Variants in WDR44 observed in about 807,000 individuals in gnomAD.
WDR44 encodes the protein WD repeat-containing protein 44.
In WDR44, 9 loss-of-function variants were observed where a neutral mutation model predicts 65.7. The observed-to-expected ratio is 0.14, with a 90% CI of 0.08 to 0.24. The LOEUF is 0.24. WDR44 is among the 10% of genes least tolerant of loss of function. The pLI, the probability that WDR44 is intolerant of heterozygous loss-of-function variation, is 1.00. For synonymous variants in WDR44, 220 were observed against 235.2 expected (o/e 0.94, Z 0.59); for missense variants, 425 against 670.9 (o/e 0.63, Z 4.05).
chrX:118,420,056 AAATACCTG>A (rs1206085559), intron 12 of WDR44, among the ~76,000 whole-genome samples: 106 of 109,256 alleles, frequency 9.7e-4, no homozygotes, highest in Non-Finnish European at 1.2e-3. Context: ...CCCCACCCAC[AAATACCTG>A]TGGAACTTAC....
At chrX:118,400,162 C>G (rs754561969) in intron 8 of WDR44, among the ~76,000 whole-genome samples, 11 of 110,332 alleles carry the variant, frequency 1.0e-4, no homozygotes. Flanking sequence ...TTTTCTTATG[C>G]CATTGACACA....
rs764601087 is a variant in WDR44 at position 118,363,139 on chromosome X, T to C, written c.78-15280T>C. On this transcript the variant is annotated intron_variant, in intron 1 of 19. Transcript: ENST00000254029. Reference sequence around the variant, plus strand: ...AATAGTAAAACGTGGCTCACACTTATAATCCCAGCACTTTGGGAGGCAGAG... The same window carrying C: ...AATAGTAAAACGTGGCTCACACTTACAATCCCAGCACTTTGGGAGGCAGAG... Among the ~76,000 whole-genome samples the C allele has an allele frequency of 1.8e-5, 2 of 109,398 alleles. 1 individual carries two copies. The highest frequency in any genetic ancestry group is 2.0e-4 in the Admixed American group (2 of 10,115). The allele number at this position is 109,398 out of a possible 115,157, so 95.0% of individuals were successfully genotyped here.
chrX:118,441,739 T>C (rs1364433299), intron 15 of WDR44, among the ~76,000 whole-genome samples, 180 bp downstream of exon 15: 1 of 111,227 alleles, frequency 9.0e-6, no homozygotes, highest in Non-Finnish European at 1.9e-5. Context: ...CTAATTCTAA[T>C]TTAAAAAAAA....
intron 7 of WDR44, among the ~76,000 whole-genome samples, chrX:118,398,018 C>T (rs2056880274): frequency 9.0e-6 from 1 of 111,658 alleles, no homozygotes; most frequent in South Asian, 3.7e-4. Context: ...GGGTGGATTG[C>T]CTGAGCTCAG....
At chrX:118,446,039 A>G (rs113354799) in intron 19 of WDR44, among the ~76,000 whole-genome samples, 1 of 106,549 alleles carries the variant, frequency 9.4e-6, no homozygotes, top group African/African-American at 3.4e-5. Flanking sequence ...AAAAAAGAAA[A>G]AAAAAAAAAA....
intron 12 of WDR44, among the ~76,000 whole-genome samples, chrX:118,418,248 G>T (rs958170924): frequency 6.3e-5 from 7 of 111,123 alleles, no homozygotes; most frequent in Admixed American, 1.9e-4. Flanking sequence ...ATTTTTCGGG[G>T]GTTGTTAAAG....
chrX:118,398,691 C>T (rs774107284), intron 8 of WDR44, among the ~76,000 whole-genome samples: 1 of 112,176 alleles, frequency 8.9e-6, no homozygotes, highest in Non-Finnish European at 1.9e-5. Context: ...CTTTGGGAGG[C>T]CAAGGCAGGC....
chrX:118,440,535 A>T (rs1199215151), intron 14 of WDR44, among the ~76,000 whole-genome samples: 1 of 111,454 alleles, frequency 9.0e-6, no homozygotes, highest in Non-Finnish European at 1.9e-5. Flanking sequence ...CAAGTGTTAC[A>T]TGTATCCCAG....
intron 1 of WDR44, among the ~76,000 whole-genome samples, chrX:118,374,462 T>C (rs1304242671): frequency 1.8e-5 from 2 of 111,858 alleles, no homozygotes; most frequent in Non-Finnish European, 3.8e-5. Flanking sequence ...GACTTGAAAT[T>C]GTAGTAGTTT....
At chrX:118,370,940 T>C (rs779685212) in intron 1 of WDR44, among the ~76,000 whole-genome samples, 2 of 110,075 alleles carry the variant, frequency 1.8e-5, no homozygotes, top group Non-Finnish European at 3.8e-5. Context: ...TTTATAGCAA[T>C]GCAAATGGAC....
At chrX:118,443,248 G>C in intron 17 of WDR44, among the ~76,000 whole-genome samples, 1 of 110,844 alleles carries the variant, frequency 9.0e-6, no homozygotes, top group Non-Finnish European at 1.9e-5. Context: ...CTTTTTTCTT[G>C]AATTATACAT....
Position 118,410,878 on chromosome X carries a change from T to C in WDR44, c.1673-17T>C. The C allele has an allele frequency of 8.4e-7, 1 of 1,194,286 alleles. No individual in the cohort carries two copies. The highest frequency in any genetic ancestry group is 1.8e-5 in the South Asian group (1 of 54,145). ...TGTACATACATGCCTTTTTTACAAT[T>C]ATTATGTTGTTTTTAGGACGTGTGT... On this transcript the variant is annotated splice_polypyrimidine_tract_variant and intron_variant, in intron 11 of 19. Transcript: ENST00000254029.
intron 1 of WDR44, among the ~76,000 whole-genome samples, chrX:118,347,711 A>G (rs1222988304): frequency 1.8e-5 from 2 of 112,395 alleles, no homozygotes; most frequent in African/African-American, 6.5e-5. Context: ...AAACTAATGT[A>G]TGTTTATACA....
intron 12 of WDR44, among the ~76,000 whole-genome samples, chrX:118,431,894 T>TTTTGTTTG (rs201858148): frequency 2.0e-3 from 222 of 109,202 alleles, no homozygotes; most frequent in Non-Finnish European, 3.3e-3. Context: ...TTGTTGTGTG[T>TTTTGTTTG]TTTGTTTGTT....
At position 118,382,803 on chromosome X, in the gene WDR44, G is replaced by A. The variant is rs759926531; in HGVS notation, c.111+4351G>A. 6.2e-5 allele frequency among the ~76,000 whole-genome samples: 7 copies of A among 112,232 alleles called. No homozygotes were observed. The East Asian group carries it at 1.7e-3, about 27-fold the overall frequency. ...ATAAGCTACCATACCTTTTAAGGAA[G>A]CAAATTTTTGATACCATGATAGATA... is the stretch of plus-strand genomic sequence containing the variant. On this transcript the variant is annotated intron_variant, in intron 2 of 19. Coordinates refer to ENST00000254029, the MANE Select transcript of WDR44 (RefSeq NM_019045.5).
At chrX:118,358,338 C>CT (rs1055186283) in intron 1 of WDR44, among the ~76,000 whole-genome samples, 4 of 111,524 alleles carry the variant, frequency 3.6e-5, no homozygotes, top group Non-Finnish European at 7.5e-5. Context: ...ATTTGACAAA[C>CT]TTTTTTAACT....
intron 1 of WDR44, among the ~76,000 whole-genome samples, chrX:118,361,025 AAGTG>A (rs941036120): frequency 8.9e-6 from 1 of 111,808 alleles, no homozygotes; most frequent in African/African-American, 3.3e-5. Context: ...CCTGAAAAAA[AAGTG>A]AGTCTTCCTA....
intron 1 of WDR44, among the ~76,000 whole-genome samples, chrX:118,373,492 G>A (rs1056316732): frequency 4.5e-5 from 5 of 111,617 alleles, no homozygotes; most frequent in African/African-American, 1.6e-4. Context: ...TCATTCCCTA[G>A]CAGTCCAAGG....
intron 12 of WDR44, among the ~76,000 whole-genome samples, chrX:118,419,173 G>A (rs1448841432): frequency 1.8e-5 from 2 of 111,301 alleles, no homozygotes; most frequent in South Asian, 3.8e-4. Context: ...CACCGGATTC[G>A]TGCCCTCCCC....
Sources: allele counts gnomAD v4.1 joint callset (sites outside exome capture counted in the v4.1 genomes callset), GRCh38; gene constraint gnomAD v4.1.1; transcripts MANE v1.5; gene names NCBI Gene and HGNC (gene_info 2026-07-23, HGNC 2026-07-21).